Variants in CDH4 observed in about 807,000 individuals in gnomAD.
The protein encoded by CDH4 is cadherin-4.
CDH4 carries 33 observed loss-of-function variants against 86.0 expected under a neutral mutation model. The observed-to-expected ratio is 0.38, with a 90% CI of 0.29 to 0.51. The LOEUF is 0.51. Among genes scored for constraint, CDH4 ranks in the 20% least tolerant of loss-of-function variants. CDH4 has a pLI of 0.86. For synonymous variants in CDH4, 555 were observed against 549.4 expected (o/e 1.01, Z -0.14); for missense variants, 1,114 against 1,307.4 (o/e 0.85, Z 2.28).
chr20:61,814,264 C>G (rs1980600029), intron 4 of CDH4, among the ~76,000 whole-genome samples: 1 of 152,194 alleles, frequency 6.6e-6, no homozygotes, highest in Non-Finnish European at 1.5e-5. Context: ...GTGACCCTCC[C>G]AAAGCAAGGC....
chr20:61,560,529 G>T (rs760583780), intron 2 of CDH4, among the ~76,000 whole-genome samples: 1 of 152,208 alleles, frequency 6.6e-6, no homozygotes, highest in Non-Finnish European at 1.5e-5. Context: ...AGCTCAGACG[G>T]CCCTGGGCCA....
intron 2 of CDH4, among the ~76,000 whole-genome samples, chr20:61,353,669 T>TCCC (rs1187022995): frequency 1.9e-5 from 1 of 53,094 alleles, no homozygotes; most frequent in Non-Finnish European, 3.8e-5. Flanking sequence ...TTCCTCCTCT[T>TCCC]CCCCCTCCTC....
chr20:61,564,918 G>A (rs1173556929), intron 2 of CDH4, among the ~76,000 whole-genome samples: 1 of 152,138 alleles, frequency 6.6e-6, no homozygotes, highest in Admixed American at 6.6e-5. Context: ...CTTGGTTTTC[G>A]TACTGAGCCT....
At chr20:61,691,320 T>C (rs1170601084) in intron 2 of CDH4, among the ~76,000 whole-genome samples, 1 of 152,040 alleles carries the variant, frequency 6.6e-6, no homozygotes, top group Non-Finnish European at 1.5e-5. Flanking sequence ...TGGATGTGTG[T>C]GTGCAAGTGG....
intron 4 of CDH4, among the ~76,000 whole-genome samples, chr20:61,787,370 G>A (rs1297824853): frequency 6.6e-6 from 1 of 152,172 alleles, no homozygotes; most frequent in Non-Finnish European, 1.5e-5. Flanking sequence ...TCACATGATG[G>A]CAGAAAGGAG....
chr20:61,252,704 C>T lies in CDH4; in HGVS notation c.57+134C>T. On this transcript the variant is annotated intron_variant, in intron 1 of 15. Transcript: ENST00000614565. The surrounding 1 kb of genome is among the most constrained non-coding windows in gnomAD (Gnocchi z 4.4). ...CCGCCGCGCTCCCCGCTGCATCCAGCCCGGCGCCCGCGCTCGGCGAAGCTG... is the reference window on the plus strand; with the variant it reads ...CCGCCGCGCTCCCCGCTGCATCCAGTCCGGCGCCCGCGCTCGGCGAAGCTG... The T allele has an allele frequency of 2.5e-6, 1 of 407,852 alleles. No individual in the cohort carries two copies. Among genetic ancestry groups the T allele is most frequent in the Non-Finnish European group, 3.8e-6 (1 of 264,206 alleles). The allele number at this position is 407,852 out of a possible 1,614,324, so 25.3% of individuals were successfully genotyped here. A position where few individuals can be genotyped will look rare whatever the true frequency, so the allele number is the denominator to read the frequency against.
At chr20:61,830,844 T>C (rs1981572059) in intron 4 of CDH4, among the ~76,000 whole-genome samples, 1 of 152,234 alleles carries the variant, frequency 6.6e-6, no homozygotes, top group Admixed American at 6.5e-5. Flanking sequence ...GTCTCGGAGC[T>C]GCAGGAGCTT....
At chr20:61,500,730 G>A (rs1379003658) in intron 2 of CDH4, among the ~76,000 whole-genome samples, 1 of 152,204 alleles carries the variant, frequency 6.6e-6, no homozygotes, top group East Asian at 1.9e-4. Context: ...GGCATTTTCT[G>A]TGCATGTTAA....
At chr20:61,343,296 T>C (rs2123286012) in intron 2 of CDH4, among the ~76,000 whole-genome samples, 1 of 152,360 alleles carries the variant, frequency 6.6e-6, no homozygotes, top group African/African-American at 2.4e-5. Flanking sequence ...TGATTGTGAC[T>C]TAAGGTAAAA....
At chr20:61,263,873 G>A (rs1001555047) in intron 2 of CDH4, among the ~76,000 whole-genome samples, 5 of 152,076 alleles carry the variant, frequency 3.3e-5, no homozygotes, top group Non-Finnish European at 5.9e-5. Flanking sequence ...TCCGTCTTCA[G>A]AGCCAGCCGT....
At chr20:61,700,365 A>C (rs1305794002) in intron 2 of CDH4, among the ~76,000 whole-genome samples, 5 of 152,210 alleles carry the variant, frequency 3.3e-5, no homozygotes, top group Non-Finnish European at 5.9e-5. Context: ...CGTCTCCTGC[A>C]TCTGGGATAT....
rs993883762 is a variant in CDH4, at chr20:61,565,190, C to T, written c.170-178373C>T. 8.8e-5 allele frequency among the ~76,000 whole-genome samples: 4 copies of T among 45,330 alleles called. 1 individual carries two copies. Among genetic ancestry groups the T allele is most frequent in the Non-Finnish European group, 1.7e-4 (4 of 23,854 alleles). The allele number at this position is 45,330 out of a possible 152,430, so 29.7% of individuals were successfully genotyped here. A position where few individuals can be genotyped will look rare whatever the true frequency, so the allele number is the denominator to read the frequency against. On this transcript the variant is annotated intron_variant, in intron 2 of 15. Transcript: ENST00000614565. ...TGATGGGGTGGTGGTGGTGGTGGTC[C>T]TCTTGGTGGTGGTCGCGGTGCTCTC...
rs757224225 is a variant in CDH4, at chr20:61,493,533, G to A, written c.169+238596G>A. ...ACGGCTACAACCCGTGTGCCATTCC[G>A]GCTCTTCTCCTTCACAATGGCTGGT... is the stretch of plus-strand genomic sequence containing the variant. On this transcript the variant is annotated intron_variant, in intron 2 of 15. Transcript: ENST00000614565. Among the ~76,000 whole-genome samples the A allele has an allele frequency of 6.6e-5, 10 of 152,164 alleles. No homozygotes were observed. The South Asian group carries it at 1.0e-3, about 16-fold the overall frequency.
Position 61,516,897 on chromosome 20 carries a change from C to G in CDH4, c.170-226666C>G, listed in dbSNP as rs2085825810. ...GCAAGGAGCTCCAGGCACCCTCAGC[C>G]TGTCAACTTTTCAACTCCTCCAGCG... On this transcript the variant is annotated intron_variant, in intron 2 of 15. Transcript: ENST00000614565. This position sits in a 1 kb window ranked among gnomAD's most constrained non-coding sequence, Gnocchi z 4.0. Among the ~76,000 whole-genome samples, 1 of 152,232 alleles carries G rather than the reference C, an allele frequency of 6.6e-6. No individual in the cohort carries two copies. Among genetic ancestry groups the G allele is most frequent in the African/African-American group, 2.4e-5 (1 of 41,462 alleles).
At chr20:61,930,339 A>G (rs971875815) in intron 13 of CDH4, among the ~76,000 whole-genome samples, 1 of 152,204 alleles carries the variant, frequency 6.6e-6, no homozygotes, top group African/African-American at 2.4e-5. Context: ...ATGCTCTAGT[A>G]GTTTCTTGAG....
rs374217346 is a variant in CDH4 at position 61,609,434 on chromosome 20, GT to G, written c.170-134121del. ...GGGCTGCCTAGATCTGCAGAAGGTTGTTTTTTTTCTTTCCAGTGTGTGTGTG... is the reference window on the plus strand; with the variant it reads ...GGGCTGCCTAGATCTGCAGAAGGTTGTTTTTTTCTTTCCAGTGTGTGTGTG... On this transcript the variant is annotated intron_variant, in intron 2 of 15. Coordinates refer to ENST00000614565, the MANE Select transcript of CDH4 (RefSeq NM_001794.5). Among the ~76,000 whole-genome samples, 314 of 152,096 alleles carry G rather than the reference GT, an allele frequency of 2.1e-3. 5 individuals are homozygous for G. The East Asian group carries it at 0.052, about 25-fold the overall frequency.
At chr20:61,394,791 G>A (rs1368364009) in intron 2 of CDH4, among the ~76,000 whole-genome samples, 5 of 149,274 alleles carry the variant, frequency 3.3e-5, no homozygotes, top group Admixed American at 6.8e-5. Flanking sequence ...TGGAAACTTC[G>A]TACTTTCAAA....
rs116215453 is a variant in CDH4 at position 61,678,746 on chromosome 20, G to A, written c.170-64817G>A. Among the ~76,000 whole-genome samples, 609 of 152,334 alleles carry A rather than the reference G, an allele frequency of 4.0e-3. 3 individuals are homozygous for A. The highest frequency in any genetic ancestry group is 0.014 in the African/African-American group (566 of 41,588). On this transcript the variant is annotated intron_variant, in intron 2 of 15. Coordinates refer to ENST00000614565, the MANE Select transcript of CDH4 (RefSeq NM_001794.5). ...GCTCTGGGGCTCCAGCTGCCCTGGC[G>A]TCCAGTGGCTTGAGGAAGCCTCACC...
In CDH4 at chr20:61,257,779, G is replaced by A. The variant is rs185627163; in HGVS notation, c.169+2842G>A. On this transcript the variant is annotated intron_variant, in intron 2 of 15. Transcript: ENST00000614565. ...TAATTAATGGCCAGCCCGCCCGGAA[G>A]CTGCAGCCTGGTACGGTGACCTGCA... is the stretch of plus-strand genomic sequence containing the variant. Among the ~76,000 whole-genome samples, 11 of 152,358 alleles carry A rather than the reference G, an allele frequency of 7.2e-5. No homozygotes were observed. In the East Asian group the frequency reaches 1.9e-3, roughly 27 times the overall value.
Sources: gnomAD v4.1 joint callset for allele counts (sites outside exome capture counted in the v4.1 genomes callset) on GRCh38, gnomAD v4.1.1 for gene constraint, Gnocchi (gnomAD v3.1) non-coding constraint, MANE v1.5 for transcripts, NCBI Gene and HGNC (gene_info 2026-07-23, HGNC 2026-07-21) for gene names.